The following ADGRF3 variants were observed in gnomAD, a reference collection of about 807,000 sequenced individuals.
The protein encoded by ADGRF3 is G protein-coupled receptor 113.
Under a neutral mutation model 93.2 loss-of-function variants are expected in ADGRF3, and 85 were observed. That is an observed-to-expected ratio of 0.91 (90% confidence interval 0.77 to 1.09). ADGRF3 has a LOEUF of 1.09. Ranked by LOEUF, ADGRF3 falls within the 50% of genes least tolerant of loss-of-function variation. ADGRF3 has a pLI of 0.00. For synonymous variants in ADGRF3, 534 were observed against 532.5 expected (o/e 1.00, Z -0.04); for missense variants, 1,125 against 1,246.2 (o/e 0.90, Z 1.46).
chr2:26,309,141 T>A, intron 13 of ADGRF3, 34 bp from the exon 14 acceptor site: 2 of 1,614,074 alleles, frequency 1.2e-6, no homozygotes, highest in East Asian at 2.2e-5. Context: ...GAGTGGATAC[T>A]GAGCCCAACT....
In ADGRF3 at chr2:26,346,471, G is replaced by T; in HGVS notation, c.-237C>A. 1.5e-6 allele frequency: 1 copy of T among 653,246 alleles called. No individual in the cohort carries two copies. Among genetic ancestry groups the T allele is most frequent in the Non-Finnish European group, 2.4e-6 (1 of 415,848 alleles). The allele number at this position is 653,246 out of a possible 1,614,324, so 40.5% of individuals were successfully genotyped here. On this transcript the variant is annotated 5_prime_UTR_variant, in exon 1 of 14. Transcript: ENST00000651242. ...GTCGGGGAGCGTGGGAGCATCCTAAGCCCGCCGCCCGTAGTCGGCACCCCC... is the reference window on the plus strand; with the variant it reads ...GTCGGGGAGCGTGGGAGCATCCTAATCCCGCCGCCCGTAGTCGGCACCCCC...
intron 1 of ADGRF3, among the ~76,000 whole-genome samples, chr2:26,344,934 C>G (rs979065173): frequency 7.9e-5 from 12 of 152,144 alleles, no homozygotes. Flanking sequence ...AGTAATAATA[C>G]TGTGTTTGGC....
chr2:26,337,370 A>G (rs1452960266), intron 1 of ADGRF3, among the ~76,000 whole-genome samples: 1 of 152,248 alleles, frequency 6.6e-6, no homozygotes, highest in Non-Finnish European at 1.5e-5. Context: ...ATTGACAGAT[A>G]AAAATTGTAT....
In ADGRF3 at chr2:26,309,057, C is replaced by A. The variant is rs774444904; in HGVS notation, c.*29G>T. ...GGGTTCAAGCACACAGCCTCAACTCCCTTGCAGGAACATGGGTCCGTGTGT... is the reference window on the plus strand; with the variant it reads ...GGGTTCAAGCACACAGCCTCAACTCACTTGCAGGAACATGGGTCCGTGTGT... On this transcript the variant is annotated 3_prime_UTR_variant, in exon 14 of 14. Coordinates refer to ENST00000651242, the MANE Select transcript of ADGRF3 (RefSeq NM_001321971.2). The A allele has an allele frequency of 1.2e-5, 20 of 1,613,990 alleles. No homozygotes were observed. Among genetic ancestry groups the A allele is most frequent in the Non-Finnish European group, 1.6e-5 (19 of 1,179,892 alleles).
chr2:26,312,977 T>C lies in ADGRF3; in HGVS notation c.1415A>G (p.Glu472Gly). 6.2e-7 allele frequency: 1 copy of C among 1,613,628 alleles called. No homozygotes were observed. The change falls in exon 9 of 14, where the codon GAG becomes GGG. Residue 472 changes from glutamate (E) to glycine (G), a missense_variant. Coordinates refer to ENST00000651242, the MANE Select transcript of ADGRF3 (RefSeq NM_001321971.2). ...TMKYVAKVVA[E>G]ARIQLDRRAL... ...TCTGCGGTCAAGCTGTATTCTGGCCTCTGCCACCACCTTGGCCACGTATTT... is the reference window on the plus strand; with the variant it reads ...TCTGCGGTCAAGCTGTATTCTGGCCCCTGCCACCACCTTGGCCACGTATTT...
chr2:26,339,087 C>A (rs1676220534), intron 1 of ADGRF3, among the ~76,000 whole-genome samples: 1 of 139,844 alleles, frequency 7.2e-6, no homozygotes. Context: ...TGCACTCCAG[C>A]CTGGGCAACA....
chr2:26,339,872 G>A (rs924249179), intron 1 of ADGRF3, among the ~76,000 whole-genome samples: 1 of 152,138 alleles, frequency 6.6e-6, no homozygotes, highest in South Asian at 2.1e-4. Context: ...GGACCCAAGA[G>A]AGCCACCAGA....
In ADGRF3 at chr2:26,346,265, G is replaced by A; in HGVS notation, c.-31C>T. ...GCTACGAATACGTGAGCCCGGAGCAGCTGGCTGGCTTTGATAAGTACAAGG... is the reference window on the plus strand; with the variant it reads ...GCTACGAATACGTGAGCCCGGAGCAACTGGCTGGCTTTGATAAGTACAAGG... On this transcript the variant is annotated 5_prime_UTR_variant, in exon 1 of 14. Coordinates refer to ENST00000651242, the MANE Select transcript of ADGRF3 (RefSeq NM_001321971.2). 3 of 1,613,592 alleles carry A rather than the reference G, an allele frequency of 1.9e-6. No individual in the cohort carries two copies. Among genetic ancestry groups the A allele is most frequent in the Admixed American group, 3.3e-5 (2 of 60,018 alleles).
chr2:26,315,764 G>T, intron 4 of ADGRF3, 24 bp from the exon 5 acceptor site: 1 of 1,550,580 alleles, frequency 6.4e-7, no homozygotes, highest in East Asian at 2.4e-5. Context: ...GGTGACAGGG[G>T]ACCCTGGAGG....
At chr2:26,318,208 G>A (rs1674876469) in intron 1 of ADGRF3, 1 of 848,122 alleles carries the variant, frequency 1.2e-6, no homozygotes, top group Non-Finnish European at 1.8e-6. Flanking sequence ...GGCTCACTGT[G>A]TCACAGACCT....
At position 26,317,505 on chromosome 2, in the gene ADGRF3, C is replaced by T. The variant is rs1209969951; in HGVS notation, c.172G>A (p.Gly58Arg). 6.3e-7 allele frequency: 1 copy of T among 1,591,498 alleles called. No homozygotes were observed. Among genetic ancestry groups the T allele is most frequent in the Non-Finnish European group, 8.6e-7 (1 of 1,169,376 alleles). The part of the protein sequence containing the change: ...GSGQLLDQEN[G>R]AGESALVSVY... ...CTGTCCATACACTCACCCCCTGCTC[C>T]ATTCTCTTGGTCCAGGAGCTGCCCA... The change falls in exon 2 of 14, where the codon GGA (glycine) becomes AGA (arginine). Residue 58 changes from glycine (G) to arginine (R), a missense_variant. Physicochemically the swap from Gly to Arg is moderately radical, Grantham distance 125. Coordinates refer to ENST00000651242, the MANE Select transcript of ADGRF3 (RefSeq NM_001321971.2).
intron 1 of ADGRF3, among the ~76,000 whole-genome samples, chr2:26,339,558 A>G (rs567373730): frequency 2.0e-5 from 3 of 152,138 alleles, no homozygotes; most frequent in Admixed American, 2.0e-4. Context: ...TTTAATGTAT[A>G]TTTTTTTCTT....
In ADGRF3 at chr2:26,345,300, T is replaced by G. The variant is rs994462396; in HGVS notation, c.114+821A>C. On this transcript the variant is annotated intron_variant, in intron 1 of 13. Coordinates refer to ENST00000651242, the MANE Select transcript of ADGRF3 (RefSeq NM_001321971.2). ...CATTGATCTAGTGTTTTTTGTTTGT[T>G]TGTTTGTTTTACAATTAACTGGGCT... is the stretch of plus-strand genomic sequence containing the variant. 2.0e-5 allele frequency among the ~76,000 whole-genome samples: 3 copies of G among 152,184 alleles called. No homozygotes were observed. The East Asian group carries it at 5.8e-4, about 29-fold the overall frequency.
At chr2:26,335,478 C>T (rs529812928) in intron 1 of ADGRF3, among the ~76,000 whole-genome samples, 8 of 152,264 alleles carry the variant, frequency 5.3e-5, no homozygotes, top group East Asian at 3.9e-4. Context: ...ATAGCTACTA[C>T]GGACATTCAT....
intron 1 of ADGRF3, among the ~76,000 whole-genome samples, chr2:26,325,008 G>A (rs1675364836): frequency 6.6e-6 from 1 of 152,134 alleles, no homozygotes; most frequent in South Asian, 2.1e-4. Flanking sequence ...TTTAGTAACA[G>A]CCATTCTGAC....
Position 26,310,856 on chromosome 2 carries a change from C to G in ADGRF3, c.2668G>C (p.Glu890Gln). ...TGGCGCTTCTCTGCTGGGGGTCCCTCTGACAGCGAAGGTCTCAGCAACTTC... is the reference window on the plus strand; with the variant it reads ...TGGCGCTTCTCTGCTGGGGGTCCCTGTGACAGCGAAGGTCTCAGCAACTTC... ...MLKLLRPSLSEGPPAEKRQAL... is the reference protein window; with the variant it reads ...MLKLLRPSLSQGPPAEKRQAL... The change falls in exon 10 of 14, where the codon GAG becomes CAG. Residue 890 changes from glutamate to glutamine, a missense_variant. Transcript: ENST00000651242. 6.2e-7 allele frequency: 1 copy of G among 1,613,042 alleles called. No individual in the cohort carries two copies. Among genetic ancestry groups the G allele is most frequent in the Non-Finnish European group, 8.5e-7 (1 of 1,179,494 alleles).
chr2:26,339,358 C>T (rs993478194), intron 1 of ADGRF3, among the ~76,000 whole-genome samples: 2 of 151,652 alleles, frequency 1.3e-5, no homozygotes, highest in Admixed American at 6.6e-5. Flanking sequence ...ATTAGCTGGG[C>T]GTGGTGGCGC....
intron 1 of ADGRF3, among the ~76,000 whole-genome samples, chr2:26,322,925 C>G (rs1442588643): frequency 6.6e-6 from 1 of 152,060 alleles, no homozygotes; most frequent in African/African-American, 2.4e-5. Context: ...CACCTGAGGT[C>G]AGGAGTTCAA....
intron 1 of ADGRF3, among the ~76,000 whole-genome samples, chr2:26,338,895 T>C (rs1048170310): frequency 4.6e-5 from 7 of 151,714 alleles, no homozygotes; most frequent in Non-Finnish European, 4.4e-5. Context: ...CCCAGCACTT[T>C]GGGAGGCTGG....
Sources: gnomAD v4.1 joint callset for allele counts (sites outside exome capture counted in the v4.1 genomes callset) on GRCh38, gnomAD v4.1.1 for gene constraint, MANE v1.5 for transcripts, NCBI Gene and HGNC (gene_info 2026-07-23, HGNC 2026-07-21) for gene names.